SLIT1: variants seen among roughly 807,000 people sequenced by gnomAD.
The protein encoded by SLIT1 is slit guidance ligand 1, also known as slit homolog 1 protein.
A neutral mutation model predicts 186.1 loss-of-function variants in SLIT1; 66 were observed. The ratio of observed to expected loss-of-function variants is 0.35; its 90% CI spans 0.29 to 0.44. The LOEUF (loss-of-function observed/expected upper bound fraction) is 0.44, where lower values mean the gene tolerates loss of function less well. Among genes scored for constraint, SLIT1 ranks in the 20% least tolerant of loss-of-function variants. The pLI is 1.00. For missense variants in SLIT1, 1,638 were observed against 2,037.4 expected (o/e 0.80, Z 3.77); for synonymous variants, 761 against 833.8 (o/e 0.91, Z 1.50).
chr10:97,164,952 C>A (rs1850084170), intron 1 of SLIT1, 62 bp from the exon 2 acceptor site: 1 of 1,341,404 alleles, frequency 7.5e-7, no homozygotes, highest in Non-Finnish European at 1.1e-6. Flanking sequence ...AGGCCAGGGG[C>A]CCTGCTCCAG....
chr10:97,076,422 T>C (rs991830491), intron 4 of SLIT1, among the ~76,000 whole-genome samples: 1 of 152,186 alleles, frequency 6.6e-6, no homozygotes, highest in Non-Finnish European at 1.5e-5. Flanking sequence ...TCCTGGGATC[T>C]CGCTGGACCA....
chr10:97,088,333 A>G (rs1274678334), intron 4 of SLIT1, among the ~76,000 whole-genome samples: 1 of 152,022 alleles, frequency 6.6e-6, no homozygotes, highest in Non-Finnish European at 1.5e-5. Flanking sequence ...TTCTCACAGT[A>G]TTTCCAATGC....
intron 13 of SLIT1, among the ~76,000 whole-genome samples, chr10:97,049,391 C>T (rs1848767762): frequency 6.6e-6 from 1 of 152,230 alleles, no homozygotes; most frequent in Non-Finnish European, 1.5e-5. Context: ...ATTCTGCCCC[C>T]TCTCTTTCCA....
chr10:97,048,779 G>A (rs986341586), intron 14 of SLIT1, among the ~76,000 whole-genome samples, 176 bp downstream of exon 14: 10 of 152,026 alleles, frequency 6.6e-5, no homozygotes, highest in Non-Finnish European at 1.2e-4. Flanking sequence ...GGGCAGGCAG[G>A]TAGGTGAACA....
At chr10:97,075,421 G>A (rs1198831671) in intron 4 of SLIT1, among the ~76,000 whole-genome samples, 1 of 152,226 alleles carries the variant, frequency 6.6e-6, no homozygotes, top group Non-Finnish European at 1.5e-5. Flanking sequence ...GAGGAGGAGG[G>A]AGGGTCAGGG....
At chr10:97,137,629 G>A (rs1849715560) in intron 4 of SLIT1, among the ~76,000 whole-genome samples, 1 of 151,688 alleles carries the variant, frequency 6.6e-6, no homozygotes, top group African/African-American at 2.4e-5. Flanking sequence ...TCTATGCCCA[G>A]GCTGGAGTTC....
At chr10:97,148,128 T>C (rs1253275987) in intron 4 of SLIT1, among the ~76,000 whole-genome samples, 1 of 152,200 alleles carries the variant, frequency 6.6e-6, no homozygotes, top group Non-Finnish European at 1.5e-5. Context: ...TTACTTAACC[T>C]GCCCTCAATT....
chr10:97,052,660 T>C (rs1417830129), intron 13 of SLIT1, among the ~76,000 whole-genome samples: 1 of 152,228 alleles, frequency 6.6e-6, no homozygotes, highest in Non-Finnish European at 1.5e-5. Context: ...TTTTTAAATG[T>C]TAAATCTCTT....
At chr10:97,119,312 T>C (rs1276633976) in intron 4 of SLIT1, among the ~76,000 whole-genome samples, 1 of 151,754 alleles carries the variant, frequency 6.6e-6, no homozygotes, top group Non-Finnish European at 1.5e-5. Flanking sequence ...AGGTGGGAAG[T>C]GGGTTTATTT....
chr10:97,041,903 G>T (rs1848693702), intron 20 of SLIT1, among the ~76,000 whole-genome samples: 1 of 152,248 alleles, frequency 6.6e-6, no homozygotes, highest in East Asian at 1.9e-4. Flanking sequence ...GTTTCCAAAG[G>T]ATAGTTAATG....
chr10:97,025,865 C>T (rs559190991), intron 25 of SLIT1, among the ~76,000 whole-genome samples: 4 of 152,318 alleles, frequency 2.6e-5, no homozygotes, highest in Non-Finnish European at 4.4e-5. Context: ...CCATCCCACT[C>T]CTAGGCGATC....
intron 4 of SLIT1, among the ~76,000 whole-genome samples, chr10:97,076,295 G>C (rs1373161835): frequency 1.3e-5 from 2 of 152,180 alleles, no homozygotes; most frequent in Non-Finnish European, 2.9e-5. Flanking sequence ...GGGAATGGGA[G>C]ACAGACTCCT....
At chr10:97,057,425 A>G (rs1848850917) in intron 11 of SLIT1, 144 bp from the exon 12 acceptor site, 5 of 623,178 alleles carry the variant, frequency 8.0e-6, no homozygotes, top group Non-Finnish European at 1.1e-5. Flanking sequence ...TGTTATAGCA[A>G]CTTGTCCACA....
intron 1 of SLIT1, among the ~76,000 whole-genome samples, chr10:97,175,914 C>A (rs1288834941): frequency 6.6e-6 from 1 of 152,214 alleles, no homozygotes; most frequent in Admixed American, 6.5e-5. Flanking sequence ...AACATGGGTG[C>A]ACCCAGCAAA....
rs548197579 is a variant in SLIT1, at chr10:97,002,373, G to A, written c.4155-4C>T. 8 of 1,587,394 alleles carry A rather than the reference G, an allele frequency of 5.0e-6. No individual in the cohort carries two copies. Among genetic ancestry groups the A allele is most frequent in the Non-Finnish European group, 6.9e-6 (8 of 1,167,098 alleles). Reference sequence around the variant, plus strand: ...CACGCATTGCCCATGGACACACCTGGAGGAGACAGAGAAAAGGCGCTGTGA... The same window carrying A: ...CACGCATTGCCCATGGACACACCTGAAGGAGACAGAGAAAAGGCGCTGTGA... On this transcript the variant is annotated splice_polypyrimidine_tract_variant and splice_region_variant and intron_variant, in intron 35 of 36. Transcript: ENST00000266058.
chr10:97,095,295 AAG>A (rs1396069995), intron 4 of SLIT1, among the ~76,000 whole-genome samples: 5 of 152,188 alleles, frequency 3.3e-5, no homozygotes, highest in Admixed American at 2.0e-4. Flanking sequence ...AAACAAAAAA[AAG>A]AGAGAGAAAG....
intron 12 of SLIT1, 139 bp downstream of exon 12, chr10:97,057,071 G>A (rs958349272): frequency 7.6e-6 from 5 of 654,342 alleles, no homozygotes; most frequent in Non-Finnish European, 1.3e-5. Flanking sequence ...CTCAGCCCTA[G>A]TGGGTCTGCC....
intron 4 of SLIT1, among the ~76,000 whole-genome samples, chr10:97,149,494 C>G (rs1849852948): frequency 6.6e-6 from 1 of 152,092 alleles, no homozygotes; most frequent in African/African-American, 2.4e-5. Flanking sequence ...GGAGCTCTAC[C>G]CAACAGGAAG....
rs1232116907 is a variant in SLIT1 at position 97,004,501 on chromosome 10, G to C, written c.3710+192C>G. Among the ~76,000 whole-genome samples the C allele has an allele frequency of 1.3e-5, 2 of 152,164 alleles. No individual in the cohort carries two copies. The highest frequency in any genetic ancestry group is 2.9e-5 in the Non-Finnish European group (2 of 68,018). ...CTAAGGTGGTGGTGGGATGGGGAAG[G>C]ATGGGGCCACTGCACAGGCCTCAGA... On this transcript the variant is annotated intron_variant, in intron 33 of 36. Coordinates refer to ENST00000266058, the MANE Select transcript of SLIT1 (RefSeq NM_003061.3). This position sits in a 1 kb window ranked among gnomAD's most constrained non-coding sequence, Gnocchi z 5.1.
Sources: allele counts gnomAD v4.1 joint callset (sites outside exome capture counted in the v4.1 genomes callset), GRCh38; gene constraint gnomAD v4.1.1; non-coding constraint Gnocchi (gnomAD v3.1); transcripts MANE v1.5; gene names NCBI Gene and HGNC (gene_info 2026-07-23, HGNC 2026-07-21).